QRSL1: variants seen among roughly 807,000 people sequenced by gnomAD.
The protein encoded by QRSL1 is glutamyl-tRNA(Gln) amidotransferase subunit A, mitochondrial.
In QRSL1, 54 loss-of-function variants were observed where a neutral mutation model predicts 61.6. The observed-to-expected ratio is 0.88, with a 90% CI of 0.70 to 1.10. QRSL1 has a LOEUF of 1.10. Among genes scored for constraint, QRSL1 ranks in the 50% least tolerant of loss-of-function variants. The pLI, the probability that QRSL1 is intolerant of heterozygous loss-of-function variation, is 0.00. For missense variants in QRSL1, 505 were observed against 622.6 expected (o/e 0.81, Z 2.01); for synonymous variants, 228 against 225.7 (o/e 1.01, Z -0.09).
chr6:106,662,368 A>G (rs552709131), intron 9 of QRSL1, among the ~76,000 whole-genome samples: 110 of 152,268 alleles, frequency 7.2e-4, no homozygotes, highest in Non-Finnish European at 1.3e-3. Context: ...GTGAATTCTG[A>G]ATTCGGATTG....
At chr6:106,649,662 AATAAG>A (rs897370685) in intron 5 of QRSL1, among the ~76,000 whole-genome samples, 1 of 152,238 alleles carries the variant, frequency 6.6e-6, no homozygotes, top group Non-Finnish European at 1.5e-5. Context: ...AATATGTATT[AATAAG>A]ATATTTTAAA....
intron 9 of QRSL1, among the ~76,000 whole-genome samples, chr6:106,660,856 C>A (rs1387235346): frequency 6.6e-6 from 1 of 152,146 alleles, no homozygotes; most frequent in Non-Finnish European, 1.5e-5. Flanking sequence ...GGGGGCTGAA[C>A]TTTCCCTCTT....
chr6:106,658,077 TTC>T (rs1457891339), intron 9 of QRSL1, among the ~76,000 whole-genome samples: 2 of 152,182 alleles, frequency 1.3e-5, no homozygotes, highest in Non-Finnish European at 2.9e-5. Flanking sequence ...GCTATTTATC[TTC>T]TGTTTGTCCC....
chr6:106,646,055 TA>T (rs1252471508), intron 4 of QRSL1, among the ~76,000 whole-genome samples: 1 of 152,272 alleles, frequency 6.6e-6, no homozygotes, highest in Non-Finnish European at 1.5e-5. Context: ...AAGTACTTTA[TA>T]CTTACCCTTT....
chr6:106,664,792 T>TA lies in QRSL1; in HGVS notation c.1367-985dup, dbSNP rs1348222754. Reference sequence around the variant, plus strand: ...GAAGTAACTGCTAGATGTTTCCTTATAAAAAGGTACATTTTTCCTTTTATC... The same window carrying TA: ...GAAGTAACTGCTAGATGTTTCCTTATAAAAAAGGTACATTTTTCCTTTTATC... On this transcript the variant is annotated intron_variant, in intron 10 of 10. Coordinates refer to ENST00000369046, the MANE Select transcript of QRSL1 (RefSeq NM_018292.5). 6.6e-5 allele frequency among the ~76,000 whole-genome samples: 10 copies of TA among 152,238 alleles called. No homozygotes were observed. In the East Asian group the frequency reaches 1.9e-3, roughly 29 times the overall value.
intron 1 of QRSL1, among the ~76,000 whole-genome samples, chr6:106,634,239 T>C (rs1776883876): frequency 6.6e-6 from 1 of 152,106 alleles, no homozygotes; most frequent in Non-Finnish European, 1.5e-5. Context: ...AAAGGGCCAA[T>C]ATGCCTGGAG....
At position 106,652,299 on chromosome 6, in the gene QRSL1, C is replaced by T. The variant is rs774830851; in HGVS notation, c.648C>T (p.Ser216=). Residue 216 remains serine (S), a synonymous_variant, in exon 6 of 11, where the codon TCC becomes TCT. Transcript: ENST00000369046. ...VGFKPSYGLV[S]RHGLIPLVNS... ...TCAAACCAAGCTATGGCTTAGTTTC[C>T]CGTCATGGTCTCATTCCCCTGGTGA... 2 of 1,614,136 alleles carry T rather than the reference C, an allele frequency of 1.2e-6. No individual in the cohort carries two copies. Among genetic ancestry groups the T allele is most frequent in the Admixed American group, 3.3e-5 (2 of 60,018 alleles).
chr6:106,663,099 C>A lies in QRSL1; in HGVS notation c.1280C>A (p.Ala427Glu). Residue 427 changes from alanine (A) to glutamate (E), a missense_variant, in exon 10 of 11, where the codon GCA (alanine) becomes GAA (glutamate). Transcript: ENST00000369046. ...CTAACTCCCACCACCTTGAGTGAGGCAGTACCATACTTGGAGTTCATCAAA... is the reference window on the plus strand; with the variant it reads ...CTAACTCCCACCACCTTGAGTGAGGAAGTACCATACTTGGAGTTCATCAAA... ...VLLTPTTLSE[A>E]VPYLEFIKED... 1.2e-6 allele frequency: 2 copies of A among 1,614,034 alleles called. No homozygotes were observed. The highest frequency in any genetic ancestry group is 1.7e-6 in the Non-Finnish European group (2 of 1,179,906).
chr6:106,642,950 C>T (rs897195669), intron 3 of QRSL1, 44 bp from the exon 4 acceptor site: 1 of 1,336,890 alleles, frequency 7.5e-7, no homozygotes, highest in Middle Eastern at 1.9e-4. Flanking sequence ...AAATAAAAGA[C>T]TTCTGGACTG....
rs917144720 is a variant in QRSL1 at position 106,665,713 on chromosome 6, A to G, written c.1367-69A>G. The G allele has an allele frequency of 2.3e-6, 3 of 1,322,176 alleles. No homozygotes were observed. The African/African-American group carries it at 4.3e-5, about 19-fold the overall frequency. The allele number at this position is 1,322,176 out of a possible 1,614,324, so 81.9% of individuals were successfully genotyped here. ...CCTGTATTGTACTTATTAGCACTGGAAAGTGGAAGAGGTCTCTGCTAATTA... is the reference window on the plus strand; with the variant it reads ...CCTGTATTGTACTTATTAGCACTGGGAAGTGGAAGAGGTCTCTGCTAATTA... On this transcript the variant is annotated intron_variant, in intron 10 of 10. Coordinates refer to ENST00000369046, the MANE Select transcript of QRSL1 (RefSeq NM_018292.5).
rs562212168 is a variant in QRSL1, at chr6:106,662,389, A to G, written c.1161-591A>G. Among the ~76,000 whole-genome samples, 71 of 152,242 alleles carry G rather than the reference A, an allele frequency of 4.7e-4. 3 individuals carry two copies. In the South Asian group the frequency reaches 0.012, roughly 26 times the overall value. On this transcript the variant is annotated intron_variant, in intron 9 of 10. Transcript: ENST00000369046. ...TCTGAATTCGGATTGATTAATTTAT[A>G]TATACAAACTTTTAGAGTGGCAACA...
At position 106,652,457 on chromosome 6, in the gene QRSL1, C is replaced by T. The variant is rs1388205425; in HGVS notation, c.734-10C>T. On this transcript the variant is annotated splice_polypyrimidine_tract_variant and intron_variant, in intron 6 of 10. Transcript: ENST00000369046. The stretch of plus-strand genomic sequence containing the variant: ...ATATATCTGTCATTCATAAGTATTG[C>T]TCCTTACAGGTGCACTGGCCGGACC... 1.9e-6 allele frequency: 3 copies of T among 1,613,856 alleles called. No individual in the cohort carries two copies. The African/African-American group carries it at 4.0e-5, about 22-fold the overall frequency.
chr6:106,641,014 A>AT, intron 3 of QRSL1, 93 bp downstream of exon 3: 2 of 687,208 alleles, frequency 2.9e-6, no homozygotes, highest in South Asian at 4.6e-5. Context: ...TCTCAGACTA[A>AT]TTATATCTTT....
chr6:106,639,119 G>GTTTT (rs1177849683), intron 1 of QRSL1, among the ~76,000 whole-genome samples: 13 of 122,810 alleles, frequency 1.1e-4, no homozygotes, highest in East Asian at 5.3e-4. Context: ...GTGTTTTGTT[G>GTTTT]TTTTTTTTTT....
chr6:106,631,008 C>T (rs1403851593), intron 1 of QRSL1, among the ~76,000 whole-genome samples: 2 of 152,152 alleles, frequency 1.3e-5, no homozygotes, highest in African/African-American at 2.4e-5. Context: ...GGGTGGATCA[C>T]GAGGTCAGGA....
intron 10 of QRSL1, among the ~76,000 whole-genome samples, chr6:106,664,968 C>T (rs1285121501): frequency 6.6e-6 from 1 of 152,074 alleles, no homozygotes; most frequent in African/African-American, 2.4e-5. Flanking sequence ...ATCTGTCATT[C>T]CTTCTACATT....
intron 5 of QRSL1, among the ~76,000 whole-genome samples, chr6:106,650,310 T>C (rs1352302726): frequency 6.6e-6 from 1 of 152,204 alleles, no homozygotes; most frequent in Non-Finnish European, 1.5e-5. Flanking sequence ...TCTTTTAAAA[T>C]TGTGAAAGCA....
intron 9 of QRSL1, among the ~76,000 whole-genome samples, chr6:106,657,397 T>C (rs1777288797): frequency 6.6e-6 from 1 of 152,240 alleles, no homozygotes; most frequent in African/African-American, 2.4e-5. Context: ...AAAACATTTA[T>C]TAAGCTAAAG....
chr6:106,640,265 C>T lies in QRSL1; in HGVS notation c.25-84C>T, dbSNP rs1776996317. 5 of 1,263,748 alleles carry T rather than the reference C, an allele frequency of 4.0e-6. No homozygotes were observed. The South Asian group carries it at 6.4e-5, about 16-fold the overall frequency. 78.3% of individuals were successfully genotyped at this position (1,263,748 alleles called of 1,614,324 possible). ...CACTTTAAAATGTTATACTTAGCCA[C>T]TCCATCTCCCCCCACCCCCACCAAT... On this transcript the variant is annotated intron_variant, in intron 1 of 10. Coordinates refer to ENST00000369046, the MANE Select transcript of QRSL1 (RefSeq NM_018292.5).
Sources: allele counts gnomAD v4.1 joint callset (sites outside exome capture counted in the v4.1 genomes callset), GRCh38; gene constraint gnomAD v4.1.1; transcripts MANE v1.5; gene names NCBI Gene and HGNC (gene_info 2026-07-23, HGNC 2026-07-21).